The following GNG12 variants were observed in gnomAD, a reference collection of about 807,000 sequenced individuals.
GNG12 encodes guanine nucleotide-binding protein G(I)/G(S)/G(O) subunit gamma-12.
For synonymous variants in GNG12, 28 were observed against 29.7 expected (o/e 0.94, Z 0.19); for missense variants, 69 against 83.8 (o/e 0.82, Z 0.69).
chr1:67,799,033 GCTTA>G (rs1646848780), intron 1 of GNG12, among the ~76,000 whole-genome samples: 1 of 152,028 alleles, frequency 6.6e-6, no homozygotes, highest in African/African-American at 2.4e-5. Context: ...CGTTTCTCTA[GCTTA>G]CTTTAGTCTA....
rs1646386618 is a variant in GNG12 at position 67,726,395 on chromosome 1, C to G, written c.-26-18683G>C. 3.3e-5 allele frequency among the ~76,000 whole-genome samples: 5 copies of G among 152,308 alleles called. No homozygotes were observed. In the South Asian group the frequency reaches 8.3e-4, roughly 25 times the overall value. ...CATGGATGGTCTTGGCAGGAAGTGA[C>G]AGCTTTGTCATTCTTTTTCATAATT... On this transcript the variant is annotated intron_variant, in intron 2 of 3. Coordinates refer to ENST00000370982, the MANE Select transcript of GNG12 (RefSeq NM_018841.6).
chr1:67,814,723 C>A (rs115342821), intron 1 of GNG12, among the ~76,000 whole-genome samples: 1 of 152,136 alleles, frequency 6.6e-6, no homozygotes, highest in African/African-American at 2.4e-5. Context: ...AAAGGAAACA[C>A]GTCTCTTAAA....
At chr1:67,746,112 T>C (rs1353011701) in intron 2 of GNG12, among the ~76,000 whole-genome samples, 1 of 152,176 alleles carries the variant, frequency 6.6e-6, no homozygotes, top group Non-Finnish European at 1.5e-5. Flanking sequence ...CTAAATTCTT[T>C]TCTTTGGGGA....
intron 1 of GNG12, among the ~76,000 whole-genome samples, chr1:67,784,701 A>G (rs1481614235): frequency 2.0e-5 from 3 of 152,222 alleles, no homozygotes; most frequent in African/African-American, 7.2e-5. Flanking sequence ...ACAGTAATCA[A>G]CAGGTAATAT....
intron 3 of GNG12, among the ~76,000 whole-genome samples, chr1:67,706,041 T>C (rs1211044966): frequency 2.6e-5 from 4 of 152,140 alleles, no homozygotes; most frequent in Admixed American, 2.0e-4. Flanking sequence ...AAAGAAGACA[T>C]TATATATGTT....
At chr1:67,778,123 TATA>T (rs1225252374) in intron 1 of GNG12, among the ~76,000 whole-genome samples, 1 of 149,700 alleles carries the variant, frequency 6.7e-6, no homozygotes, top group Non-Finnish European at 1.5e-5. Flanking sequence ...TATACATAAT[TATA>T]ATAAAATACA....
At chr1:67,742,636 G>A (rs551700996) in intron 2 of GNG12, among the ~76,000 whole-genome samples, 2 of 152,162 alleles carry the variant, frequency 1.3e-5, no homozygotes, top group African/African-American at 2.4e-5. Flanking sequence ...TGTATAAAGC[G>A]ATATAAGCTA....
intron 1 of GNG12, among the ~76,000 whole-genome samples, chr1:67,803,292 T>C (rs879488293): frequency 1.3e-5 from 2 of 152,138 alleles, no homozygotes; most frequent in African/African-American, 4.8e-5. Context: ...GACAGGAGGA[T>C]TGCTTGAGGC....
At chr1:67,778,816 C>T (rs1404328473) in intron 1 of GNG12, among the ~76,000 whole-genome samples, 2 of 152,166 alleles carry the variant, frequency 1.3e-5, no homozygotes, top group Non-Finnish European at 1.5e-5. Context: ...TAATTACTTT[C>T]AGTTTTAATT....
At chr1:67,793,533 AT>A (rs980278674) in intron 1 of GNG12, among the ~76,000 whole-genome samples, 342 of 144,722 alleles carry the variant, frequency 2.4e-3, no homozygotes, top group Middle Eastern at 3.5e-3. Flanking sequence ...AAGCACTTTG[AT>A]TTTTTTTTTT....
chr1:67,774,018 G>A (rs1396593340), intron 2 of GNG12, among the ~76,000 whole-genome samples: 1 of 152,188 alleles, frequency 6.6e-6, no homozygotes, highest in East Asian at 1.9e-4. Context: ...CACCTGCACC[G>A]AGGCAGTCGT....
At chr1:67,778,161 A>G (rs1297698961) in intron 1 of GNG12, among the ~76,000 whole-genome samples, 2 of 150,946 alleles carry the variant, frequency 1.3e-5, no homozygotes, top group Admixed American at 6.6e-5. Context: ...TAAATGTTCT[A>G]GTAGCCACAT....
intron 2 of GNG12, among the ~76,000 whole-genome samples, chr1:67,769,884 C>T (rs1646663312): frequency 6.6e-6 from 1 of 152,160 alleles, no homozygotes; most frequent in African/African-American, 2.4e-5. Context: ...GAAAGAACGT[C>T]ACAGGAAGCT....
At chr1:67,788,915 G>C (rs1230566949) in intron 1 of GNG12, among the ~76,000 whole-genome samples, 2 of 152,190 alleles carry the variant, frequency 1.3e-5, no homozygotes, top group Non-Finnish European at 2.9e-5. Context: ...TTTATAGAAT[G>C]AATGATGGTG....
chr1:67,829,238 T>C (rs1018087959), intron 1 of GNG12, among the ~76,000 whole-genome samples: 1 of 152,210 alleles, frequency 6.6e-6, no homozygotes, highest in Non-Finnish European at 1.5e-5. Flanking sequence ...TAACTGTGCA[T>C]ACTGCTTTTC....
chr1:67,748,233 T>C (rs1646518103), intron 2 of GNG12, among the ~76,000 whole-genome samples: 1 of 152,196 alleles, frequency 6.6e-6, no homozygotes, highest in South Asian at 2.1e-4. Context: ...GTTTGTAATA[T>C]GCTTCCTTTG....
In GNG12 at chr1:67,824,049, C is replaced by G. The variant is rs148959233; in HGVS notation, c.-77+9295G>C. Among the ~76,000 whole-genome samples, 12 of 152,160 alleles carry G rather than the reference C, an allele frequency of 7.9e-5. 1 individual carries two copies. In the East Asian group the frequency reaches 2.3e-3, roughly 29 times the overall value. On this transcript the variant is annotated intron_variant, in intron 1 of 3. Transcript: ENST00000370982. ...GGTAAGGTAAAGAAGAGTATATACA[C>G]CACCTTTAATGAGAGAAGGGGGGAG...
At chr1:67,718,930 C>T (rs774400065) in intron 2 of GNG12, among the ~76,000 whole-genome samples, 15 of 152,230 alleles carry the variant, frequency 9.9e-5, no homozygotes, top group Non-Finnish European at 1.5e-4. Flanking sequence ...AATGTCAATA[C>T]ATTATCCTAC....
chr1:67,767,137 T>G (rs1646645303), intron 2 of GNG12, among the ~76,000 whole-genome samples: 1 of 152,170 alleles, frequency 6.6e-6, no homozygotes, highest in Non-Finnish European at 1.5e-5. Flanking sequence ...ATGTTGCCAG[T>G]GAAAGATCCT....
Sources: gnomAD v4.1 joint callset for allele counts (sites outside exome capture counted in the v4.1 genomes callset) on GRCh38, gnomAD v4.1.1 for gene constraint, MANE v1.5 for transcripts, NCBI Gene and HGNC (gene_info 2026-07-23, HGNC 2026-07-21) for gene names.